The following PPP2R5E variants were observed in gnomAD, a reference collection of about 807,000 sequenced individuals.
The protein encoded by PPP2R5E is serine/threonine-protein phosphatase 2A 56 kDa regulatory subunit epsilon isoform.
PPP2R5E carries 4 observed loss-of-function variants against 65.3 expected under a neutral mutation model. The observed-to-expected ratio is 0.06, with a 90% CI of 0.03 to 0.14. The LOEUF is 0.14. PPP2R5E is among the 10% of genes least tolerant of loss of function. The pLI, the probability that PPP2R5E is intolerant of heterozygous loss-of-function variation, is 1.00. For missense variants in PPP2R5E, 274 were observed against 556.1 expected (o/e 0.49, Z 5.10); for synonymous variants, 183 against 187.4 (o/e 0.98, Z 0.19).
At chr14:63,503,810 C>G (rs1034713548) in intron 2 of PPP2R5E, among the ~76,000 whole-genome samples, 1 of 152,098 alleles carries the variant, frequency 6.6e-6, no homozygotes, top group African/African-American at 2.4e-5. Flanking sequence ...GTTCCGATGG[C>G]AAGATGTGAG....
chr14:63,535,782 T>C (rs1246335563), intron 2 of PPP2R5E, among the ~76,000 whole-genome samples: 1 of 152,150 alleles, frequency 6.6e-6, no homozygotes, highest in African/African-American at 2.4e-5. Flanking sequence ...ATTAACCCAA[T>C]TTAGTCAAAG....
chr14:63,466,965 G>A (rs1337819820), intron 2 of PPP2R5E, among the ~76,000 whole-genome samples: 4 of 152,218 alleles, frequency 2.6e-5, no homozygotes, highest in African/African-American at 4.8e-5. Flanking sequence ...AGTGGCTCAC[G>A]CCTGTAATCC....
intron 13 of PPP2R5E, among the ~76,000 whole-genome samples, chr14:63,376,437 T>C (rs1883988298): frequency 6.8e-6 from 1 of 146,734 alleles, no homozygotes. Context: ...TTATTCCTAT[T>C]TTTCCCACCT....
At chr14:63,417,482 TGAG>T (rs1057300199) in intron 4 of PPP2R5E, among the ~76,000 whole-genome samples, 1 of 132,310 alleles carries the variant, frequency 7.6e-6, no homozygotes, top group Non-Finnish European at 1.5e-5. Context: ...TGATGTTTCA[TGAG>T]GAGGAAAAAA....
At chr14:63,532,418 T>C (rs1179454282) in intron 2 of PPP2R5E, among the ~76,000 whole-genome samples, 6 of 152,254 alleles carry the variant, frequency 3.9e-5, no homozygotes, top group African/African-American at 1.4e-4. Context: ...ATGTTTAGAA[T>C]AGCTATTATA....
At chr14:63,438,966 T>C (rs1243596066) in intron 3 of PPP2R5E, among the ~76,000 whole-genome samples, 1 of 151,688 alleles carries the variant, frequency 6.6e-6, no homozygotes, top group Non-Finnish European at 1.5e-5. Flanking sequence ...CAGGGGCATA[T>C]GCAGTTTCAC....
intron 3 of PPP2R5E, among the ~76,000 whole-genome samples, chr14:63,447,110 T>C (rs1286186626): frequency 6.6e-6 from 1 of 152,178 alleles, no homozygotes; most frequent in Non-Finnish European, 1.5e-5. Context: ...ATTTTCAGAA[T>C]GGTAAATGAG....
intron 2 of PPP2R5E, 98 bp downstream of exon 2, chr14:63,539,431 C>CA: frequency 1.5e-6 from 2 of 1,320,422 alleles, no homozygotes; most frequent in Non-Finnish European, 2.1e-6. Flanking sequence ...CCCATCCCTT[C>CA]AATTTGCAAC....
At chr14:63,486,921 T>A (rs552729306) in intron 2 of PPP2R5E, among the ~76,000 whole-genome samples, 4 of 152,340 alleles carry the variant, frequency 2.6e-5, no homozygotes, top group African/African-American at 9.6e-5. Context: ...TTCACATCTC[T>A]CTTACAGCAC....
rs1294897224 is a variant in PPP2R5E at position 63,374,621 on chromosome 14, A to G, written c.*1388T>C. ...AAGATTCTTCATTTAAATACAAAGCAGAGAGCCAATAAGATATATATATAT... is the reference window on the plus strand; with the variant it reads ...AAGATTCTTCATTTAAATACAAAGCGGAGAGCCAATAAGATATATATATAT... On this transcript the variant is annotated 3_prime_UTR_variant, in exon 14 of 14. Transcript: ENST00000337537. The G allele has an allele frequency of 8.4e-6, 1 of 119,588 alleles. No individual in the cohort carries two copies. Among genetic ancestry groups the G allele is most frequent in the East Asian group, 3.4e-4 (1 of 2,978 alleles). The allele number at this position is 119,588 out of a possible 1,614,324, so 7.4% of individuals were successfully genotyped here. A position where few individuals can be genotyped will look rare whatever the true frequency, so the allele number is the denominator to read the frequency against.
intron 2 of PPP2R5E, among the ~76,000 whole-genome samples, chr14:63,492,773 A>G (rs912619343): frequency 1.3e-5 from 2 of 152,136 alleles, no homozygotes; most frequent in Non-Finnish European, 2.9e-5. Context: ...GGATGGTGGC[A>G]TGTGTGTGTT....
chr14:63,491,152 C>T (rs1891267707), intron 2 of PPP2R5E, among the ~76,000 whole-genome samples: 1 of 152,136 alleles, frequency 6.6e-6, no homozygotes, highest in African/African-American at 2.4e-5. Context: ...TGCATATTTT[C>T]ACTTAAAAGT....
At chr14:63,440,743 C>T (rs960878797) in intron 3 of PPP2R5E, among the ~76,000 whole-genome samples, 10 of 147,876 alleles carry the variant, frequency 6.8e-5, no homozygotes, top group Non-Finnish European at 1.2e-4. Context: ...TCGAGACCAT[C>T]CTGGCTAACA....
intron 7 of PPP2R5E, 29 bp downstream of exon 7, chr14:63,395,197 A>C (rs1232660110): frequency 6.4e-7 from 1 of 1,572,330 alleles, no homozygotes; most frequent in Admixed American, 1.7e-5. Flanking sequence ...TATTCATCTG[A>C]GATTAGCAAT....
chr14:63,511,993 C>T (rs1259701698), intron 2 of PPP2R5E, among the ~76,000 whole-genome samples: 3 of 146,918 alleles, frequency 2.0e-5, no homozygotes, highest in South Asian at 2.2e-4. Flanking sequence ...GCAGAAGAAT[C>T]ACCTGAACCT....
At chr14:63,390,976 C>T (rs894837292) in intron 10 of PPP2R5E, among the ~76,000 whole-genome samples, 1 of 152,190 alleles carries the variant, frequency 6.6e-6, no homozygotes, top group South Asian at 2.1e-4. Flanking sequence ...CCTGAACCCC[C>T]CAGGGTCATT....
chr14:63,457,080 A>G (rs996462882), intron 2 of PPP2R5E, among the ~76,000 whole-genome samples: 2 of 152,224 alleles, frequency 1.3e-5, no homozygotes, highest in African/African-American at 4.8e-5. Flanking sequence ...TGACCAGTCC[A>G]AACAAGAGGT....
At chr14:63,486,293 TACACACACACAC>T (rs374427574) in intron 2 of PPP2R5E, among the ~76,000 whole-genome samples, 98 of 128,050 alleles carry the variant, frequency 7.7e-4, no homozygotes, top group African/African-American at 2.9e-3. Context: ...CTTTCCCCAT[TACACACACACAC>T]ACACACACAC....
intron 2 of PPP2R5E, among the ~76,000 whole-genome samples, chr14:63,491,453 T>C (rs955843835): frequency 2.0e-5 from 3 of 152,090 alleles, no homozygotes; most frequent in South Asian, 2.1e-4. Flanking sequence ...TTCAAAGATG[T>C]AGTGTGAAAA....
Sources: gnomAD v4.1 joint callset for allele counts (sites outside exome capture counted in the v4.1 genomes callset) on GRCh38, gnomAD v4.1.1 for gene constraint, MANE v1.5 for transcripts, NCBI Gene and HGNC (gene_info 2026-07-23, HGNC 2026-07-21) for gene names.